The following PITPNC1 variants were observed in gnomAD, a reference collection of about 807,000 sequenced individuals.
PITPNC1 encodes cytoplasmic phosphatidylinositol transfer protein 1.
In PITPNC1, 18 loss-of-function variants were observed where a neutral mutation model predicts 44.7. The ratio of observed to expected loss-of-function variants is 0.40; its 90% CI spans 0.28 to 0.60. The LOEUF (loss-of-function observed/expected upper bound fraction) is 0.60, where lower values mean the gene tolerates loss of function less well. Ranked by LOEUF, PITPNC1 falls within the 20% of genes least tolerant of loss-of-function variation. The probability of loss-of-function intolerance (pLI) is 0.39; values close to 1 mark genes in which losing one functional copy is unlikely to be tolerated. For synonymous variants in PITPNC1, 141 were observed against 149.6 expected (o/e 0.94, Z 0.42); for missense variants, 290 against 418.4 (o/e 0.69, Z 2.68).
At chr17:67,460,158 A>G (rs913963686) in intron 1 of PITPNC1, among the ~76,000 whole-genome samples, 1 of 152,164 alleles carries the variant, frequency 6.6e-6, no homozygotes, top group African/African-American at 2.4e-5. Flanking sequence ...GGTATTCTGC[A>G]CCCAGAATTG....
intron 1 of PITPNC1, among the ~76,000 whole-genome samples, chr17:67,500,992 A>T (rs2040020669): frequency 6.6e-6 from 1 of 152,090 alleles, no homozygotes; most frequent in Non-Finnish European, 1.5e-5. Flanking sequence ...ACCTGGCCAA[A>T]AGAAAGATTC....
rs116079845 is a variant in PITPNC1 at position 67,470,159 on chromosome 17, G to A, written c.49-62643G>A. The stretch of plus-strand genomic sequence containing the variant: ...GCTGTTTTCAAGCTCCTGACCTCGA[G>A]TGATCTGCCCACTTTGGCCTCCCAA... On this transcript the variant is annotated intron_variant, in intron 1 of 8. Coordinates refer to ENST00000581322, the MANE Select transcript of PITPNC1 (RefSeq NM_012417.4). Among the ~76,000 whole-genome samples, 1,046 of 152,236 alleles carry A rather than the reference G, an allele frequency of 6.9e-3. 7 individuals are homozygous for A. Among genetic ancestry groups the A allele is most frequent in the African/African-American group, 0.024 (1,001 of 41,528 alleles).
chr17:67,579,640 T>C (rs1162961210), intron 5 of PITPNC1, among the ~76,000 whole-genome samples: 2 of 139,492 alleles, frequency 1.4e-5, no homozygotes, highest in Non-Finnish European at 3.1e-5. Flanking sequence ...TTTTTTTTTT[T>C]TTCTGATTAG....
intron 5 of PITPNC1, among the ~76,000 whole-genome samples, chr17:67,629,238 CTG>C (rs71139164): frequency 1.1e-4 from 15 of 131,226 alleles, no homozygotes; most frequent in African/African-American, 3.8e-4. Context: ...CTGGGGTATT[CTG>C]TGTGTGTGTG....
In PITPNC1 at chr17:67,508,265, T is replaced by C. The variant is rs907442014; in HGVS notation, c.49-24537T>C. 6.6e-6 allele frequency among the ~76,000 whole-genome samples: 1 copy of C among 152,148 alleles called. No individual in the cohort carries two copies. Among genetic ancestry groups the C allele is most frequent in the Non-Finnish European group, 1.5e-5 (1 of 68,008 alleles). On this transcript the variant is annotated intron_variant, in intron 1 of 8. Transcript: ENST00000581322. This position sits in a 1 kb window ranked among gnomAD's most constrained non-coding sequence, Gnocchi z 4.2. ...GCAAGTTTATTAAGAAAGTAGAGAATAAAAGAATGGCTACTCCATAAACAG... is the reference window on the plus strand; with the variant it reads ...GCAAGTTTATTAAGAAAGTAGAGAACAAAAGAATGGCTACTCCATAAACAG...
intron 1 of PITPNC1, among the ~76,000 whole-genome samples, chr17:67,425,247 A>ACACACACACACC (rs2038743857): frequency 6.9e-6 from 1 of 145,270 alleles, no homozygotes. Flanking sequence ...ACACACACAC[A>ACACACACACACC]CACACACACA....
chr17:67,473,145 G>C (rs1481011560), intron 1 of PITPNC1, among the ~76,000 whole-genome samples: 4 of 152,054 alleles, frequency 2.6e-5, no homozygotes, highest in Non-Finnish European at 5.9e-5. Context: ...CAAAATGCTG[G>C]GAATACAGGT....
chr17:67,684,202 C>T (rs541259382), intron 8 of PITPNC1, among the ~76,000 whole-genome samples: 236 of 150,568 alleles, frequency 1.6e-3, no homozygotes, highest in African/African-American at 5.6e-3. Flanking sequence ...GCCTCCGTCT[C>T]CCAGGTTCAA....
In PITPNC1 at chr17:67,400,342, GGTGGTGT is replaced by G. The variant is rs111622528; in HGVS notation, c.48+22143_48+22149del. On this transcript the variant is annotated intron_variant, in intron 1 of 8. Coordinates refer to ENST00000581322, the MANE Select transcript of PITPNC1 (RefSeq NM_012417.4). ...AGCACCCTGATGTTTATGTTGCTAT[GGTGGTGT>G]GTCTCTTGCTCGGGTGACAAGATTG... Among the ~76,000 whole-genome samples, 9 of 152,320 alleles carry G rather than the reference GGTGGTGT, an allele frequency of 5.9e-5. 2 individuals are homozygous for G. The highest frequency in any genetic ancestry group is 2.2e-4 in the African/African-American group (9 of 41,558).
intron 5 of PITPNC1, among the ~76,000 whole-genome samples, chr17:67,609,803 A>G (rs1397962081): frequency 6.6e-6 from 1 of 151,056 alleles, no homozygotes; most frequent in East Asian, 1.9e-4. Context: ...AAAAAAAGCC[A>G]CATCCCTTGG....
At position 67,622,051 on chromosome 17, in the gene PITPNC1, C is replaced by T. The variant is rs1365527010; in HGVS notation, c.367-10092C>T. Among the ~76,000 whole-genome samples, 5 of 152,036 alleles carry T rather than the reference C, an allele frequency of 3.3e-5. 1 individual carries two copies. Among genetic ancestry groups the T allele is most frequent in the South Asian group, 4.1e-4 (2 of 4,830 alleles). ...TTGGGAGGCCAAGGCAGGCGGATCA[C>T]GAGGTCAGGAGATCGAGACCACGGT... On this transcript the variant is annotated intron_variant, in intron 5 of 8. Coordinates refer to ENST00000581322, the MANE Select transcript of PITPNC1 (RefSeq NM_012417.4).
intron 4 of PITPNC1, among the ~76,000 whole-genome samples, chr17:67,573,486 T>C (rs2041090892): frequency 6.6e-6 from 1 of 151,770 alleles, no homozygotes; most frequent in Admixed American, 6.6e-5. Flanking sequence ...GTGATGCTGC[T>C]TTGGAAATCC....
chr17:67,477,027 T>C (rs2039639970), intron 1 of PITPNC1, among the ~76,000 whole-genome samples: 1 of 152,112 alleles, frequency 6.6e-6, no homozygotes, highest in African/African-American at 2.4e-5. Context: ...AAACTCTGAG[T>C]GTTGCTTTTG....
chr17:67,682,889 T>C (rs532562623), intron 8 of PITPNC1, among the ~76,000 whole-genome samples: 30 of 152,182 alleles, frequency 2.0e-4, no homozygotes, highest in Non-Finnish European at 3.7e-4. Context: ...GGGCCGGGTG[T>C]GGTGGCTCAC....
intron 5 of PITPNC1, among the ~76,000 whole-genome samples, chr17:67,596,584 C>T (rs1246498376): frequency 6.6e-6 from 1 of 152,118 alleles, no homozygotes; most frequent in African/African-American, 2.4e-5. Flanking sequence ...GATCTCGGCT[C>T]ACTGCAACCT....
chr17:67,523,107 C>A (rs1201916659), intron 1 of PITPNC1, among the ~76,000 whole-genome samples: 2 of 152,142 alleles, frequency 1.3e-5, no homozygotes, highest in African/African-American at 4.8e-5. Flanking sequence ...ACTCCATTAC[C>A]CACTCTTTCC....
intron 4 of PITPNC1, among the ~76,000 whole-genome samples, chr17:67,565,414 A>G (rs963821670): frequency 2.0e-5 from 3 of 150,490 alleles, no homozygotes; most frequent in Non-Finnish European, 4.4e-5. Flanking sequence ...TGTGTGTACT[A>G]GTAATTTTCC....
chr17:67,397,451 G>T (rs923797022), intron 1 of PITPNC1, among the ~76,000 whole-genome samples: 8 of 152,198 alleles, frequency 5.3e-5, no homozygotes, highest in African/African-American at 1.9e-4. Flanking sequence ...CCTGGAGAAG[G>T]AACTGCCCTG....
At chr17:67,565,315 TG>T in intron 4 of PITPNC1, among the ~76,000 whole-genome samples, 1 of 152,192 alleles carries the variant, frequency 6.6e-6, no homozygotes, top group Admixed American at 6.5e-5. Flanking sequence ...TGTTTTTCAG[TG>T]TGTATACTAG....
Sources: gnomAD v4.1 joint callset for allele counts (sites outside exome capture counted in the v4.1 genomes callset) on GRCh38, gnomAD v4.1.1 for gene constraint, Gnocchi (gnomAD v3.1) non-coding constraint, MANE v1.5 for transcripts, NCBI Gene and HGNC (gene_info 2026-07-23, HGNC 2026-07-21) for gene names.